Variants in INTS6 observed in about 807,000 individuals in gnomAD.
INTS6 encodes integrator complex subunit 6.
In INTS6, 16 loss-of-function variants were observed where a neutral mutation model predicts 104.9. The ratio of observed to expected loss-of-function variants is 0.15; its 90% CI spans 0.10 to 0.23. The LOEUF is 0.23. Among genes scored for constraint, INTS6 ranks in the 10% least tolerant of loss-of-function variants. INTS6 has a pLI of 1.00. For missense variants in INTS6, 584 were observed against 1,062.8 expected (o/e 0.55, Z 6.26); for synonymous variants, 324 against 358.7 (o/e 0.90, Z 1.09).
At chr13:51,358,846 C>T (rs1006112293), downstream of INTS6, among the ~76,000 whole-genome samples, 2 of 151,898 alleles carry the variant, frequency 1.3e-5, no homozygotes, top group African/African-American at 4.8e-5. Context: ...TAGGAGCAAG[C>T]GAGTTTATGG....
chr13:51,403,615 A>AG (rs1956490102), intron 4 of INTS6, among the ~76,000 whole-genome samples: 1 of 150,108 alleles, frequency 6.7e-6, no homozygotes, highest in Non-Finnish European at 1.5e-5. Flanking sequence ...GAAAAAAAAA[A>AG]AAAGAAAAAG....
chr13:51,415,538 C>A (rs1187442648), intron 4 of INTS6, among the ~76,000 whole-genome samples: 4 of 152,050 alleles, frequency 2.6e-5, no homozygotes, highest in Non-Finnish European at 5.9e-5. Context: ...AGTTTCCCTG[C>A]ACAAGCTCTC....
chr13:51,432,087 G>A (rs1957102210), intron 3 of INTS6, among the ~76,000 whole-genome samples: 1 of 152,024 alleles, frequency 6.6e-6, no homozygotes, highest in Non-Finnish European at 1.5e-5. Flanking sequence ...CTACCCAACT[G>A]CCACTCATTC....
intron 12 of INTS6, among the ~76,000 whole-genome samples, chr13:51,377,550 A>C (rs1445600610): frequency 6.6e-6 from 1 of 152,032 alleles, no homozygotes; most frequent in Non-Finnish European, 1.5e-5. Context: ...TGGATATCCA[A>C]TTGTTCCATT....
At position 51,361,751 on chromosome 13, in the gene INTS6, T is replaced by C. The variant is rs1955581524; in HGVS notation, c.*4001A>G. On this transcript the variant is annotated 3_prime_UTR_variant, in exon 18 of 18. Coordinates refer to ENST00000311234, the MANE Select transcript of INTS6 (RefSeq NM_012141.3). ...AAAAATTAACTTACTTCATAACCAA[T>C]AGTTATTTTCTTAAAAATGCACAGA... 2.1e-6 allele frequency: 3 copies of C among 1,425,906 alleles called. No individual in the cohort carries two copies. Among genetic ancestry groups the C allele is most frequent in the Non-Finnish European group, 1.9e-6 (2 of 1,048,668 alleles). 88.3% of individuals were successfully genotyped at this position (1,425,906 alleles called of 1,614,324 possible). A position where few individuals can be genotyped will look rare whatever the true frequency, so the allele number is the denominator to read the frequency against.
At chr13:51,353,136 T>C (rs1254547921), downstream of INTS6, among the ~76,000 whole-genome samples, 3 of 152,202 alleles carry the variant, frequency 2.0e-5, no homozygotes, top group Non-Finnish European at 2.9e-5. Context: ...CTGCTGGATC[T>C]GCCTTCATAG....
the INTS6 span, chr13:51,344,180 G>A: frequency 9.4e-7 from 1 of 1,061,546 alleles, no homozygotes; most frequent in Non-Finnish European, 1.4e-6. Context: ...TCAATGCAAT[G>A]TGTGCTGGAG....
intron 3 of INTS6, chr13:51,439,015 CAA>C (rs1219567412): frequency 1.3e-5 from 2 of 152,074 alleles, no homozygotes; most frequent in Non-Finnish European, 1.5e-5. Context: ...CCAGAATAAC[CAA>C]AAGACTGTTG....
chr13:51,452,307 A>T lies in INTS6; in HGVS notation c.111+108T>A. ...GGGGGAGGGGGTCCCCGAGCCCGGC[A>T]GCTCCCGCAGTCAGGTCCCCGACAC... On this transcript the variant is annotated intron_variant, in intron 1 of 17. Coordinates refer to ENST00000311234, the MANE Select transcript of INTS6 (RefSeq NM_012141.3). The surrounding 1 kb of genome is among the most constrained non-coding windows in gnomAD (Gnocchi z 4.2). 9.0e-7 allele frequency: 1 copy of T among 1,109,470 alleles called. No individual in the cohort carries two copies. The highest frequency in any genetic ancestry group is 1.1e-6 in the Non-Finnish European group (1 of 892,740). 68.7% of individuals were successfully genotyped at this position (1,109,470 alleles called of 1,614,324 possible).
intron 4 of INTS6, among the ~76,000 whole-genome samples, chr13:51,405,469 T>C (rs1956544563): frequency 6.6e-6 from 1 of 152,202 alleles, no homozygotes; most frequent in Non-Finnish European, 1.5e-5. Flanking sequence ...TATCTGTCTT[T>C]TGGAGTTATA....
chr13:51,339,167 T>G, the INTS6 span: 1 of 152,218 alleles, frequency 6.6e-6, no homozygotes, highest in Non-Finnish European at 1.5e-5. Flanking sequence ...TGCATTCACT[T>G]TGATAAATAA....
At chr13:51,415,284 C>T (rs1956767784) in intron 4 of INTS6, among the ~76,000 whole-genome samples, 1 of 152,118 alleles carries the variant, frequency 6.6e-6, no homozygotes, top group African/African-American at 2.4e-5. Context: ...GATTCATAGA[C>T]AGTTTACATT....
chr13:51,389,274 C>A lies in INTS6; in HGVS notation c.739+45G>T, dbSNP rs774891382. ...AAGTTTTCAGTTCTAGTTGAATAAACAATAAAGCAAGTTTTGAATGTCTAA... is the reference window on the plus strand; with the variant it reads ...AAGTTTTCAGTTCTAGTTGAATAAAAAATAAAGCAAGTTTTGAATGTCTAA... On this transcript the variant is annotated intron_variant, in intron 6 of 17. Transcript: ENST00000311234. The A allele has an allele frequency of 5.6e-6, 9 of 1,593,692 alleles. No homozygotes were observed. In the East Asian group the frequency reaches 1.6e-4, roughly 28 times the overall value.
At chr13:51,359,874 C>G (rs1955536849), downstream of INTS6, among the ~76,000 whole-genome samples, 1 of 151,992 alleles carries the variant, frequency 6.6e-6, no homozygotes, top group Non-Finnish European at 1.5e-5. Flanking sequence ...AAATTTGTTT[C>G]TTAAAGACCC....
chr13:51,361,752 A>T lies in INTS6; in HGVS notation c.*4000T>A. On this transcript the variant is annotated 3_prime_UTR_variant, in exon 18 of 18. Transcript: ENST00000311234. ...AAAATTAACTTACTTCATAACCAAT[A>T]GTTATTTTCTTAAAAATGCACAGAA... 2.8e-6 allele frequency: 4 copies of T among 1,431,010 alleles called. No homozygotes were observed. The highest frequency in any genetic ancestry group is 3.8e-6 in the Non-Finnish European group (4 of 1,052,408). The allele number at this position is 1,431,010 out of a possible 1,614,324, so 88.6% of individuals were successfully genotyped here. A position where few individuals can be genotyped will look rare whatever the true frequency, so the allele number is the denominator to read the frequency against.
At chr13:51,408,451 T>C (rs1192869680) in intron 4 of INTS6, among the ~76,000 whole-genome samples, 1 of 152,110 alleles carries the variant, frequency 6.6e-6, no homozygotes, top group Non-Finnish European at 1.5e-5. Context: ...GGTCATTGAG[T>C]TTTATTAATA....
the INTS6 span, among the ~76,000 whole-genome samples, chr13:51,340,348 G>A: frequency 6.6e-6 from 1 of 152,146 alleles, no homozygotes; most frequent in Non-Finnish European, 1.5e-5. Flanking sequence ...TACATTTCTG[G>A]GGTAGGAACT....
downstream of INTS6, among the ~76,000 whole-genome samples, chr13:51,349,945 T>C (rs1396500049): frequency 2.0e-5 from 3 of 152,308 alleles, no homozygotes; most frequent in East Asian, 5.8e-4. Flanking sequence ...TAAGCTAGCT[T>C]TAAATCCTTT....
chr13:51,389,166 T>C (rs1416908273), intron 6 of INTS6, among the ~76,000 whole-genome samples, 153 bp downstream of exon 6: 3 of 152,218 alleles, frequency 2.0e-5, no homozygotes, highest in Non-Finnish European at 2.9e-5. Context: ...TTACCTTGAC[T>C]TTCCTATTTA....
Sources: allele counts gnomAD v4.1 joint callset (sites outside exome capture counted in the v4.1 genomes callset), GRCh38; gene constraint gnomAD v4.1.1; non-coding constraint Gnocchi (gnomAD v3.1); transcripts MANE v1.5; gene names NCBI Gene and HGNC (gene_info 2026-07-23, HGNC 2026-07-21).